Variants in RTN4RL2 observed in about 807,000 individuals in gnomAD.
RTN4RL2 encodes reticulon-4 receptor-like 2.
RTN4RL2 carries 9 observed loss-of-function variants against 27.8 expected under a neutral mutation model. That is an observed-to-expected ratio of 0.32 (90% CI 0.20 to 0.57). The LOEUF is 0.57. Ranked by LOEUF, RTN4RL2 falls within the 20% of genes least tolerant of loss-of-function variation. The probability of loss-of-function intolerance (pLI) is 0.90; values close to 1 mark genes in which losing one functional copy is unlikely to be tolerated. For missense variants in RTN4RL2, 436 were observed against 596.8 expected, an observed-to-expected ratio of 0.73 and a Z score of 2.81; for synonymous variants, 285 against 297.9, an observed-to-expected ratio of 0.96 and a Z score of 0.45.
Position 57,476,935 on chromosome 11 carries a change from C to G in RTN4RL2, c.*24C>G, listed in dbSNP as rs1943601728. 6.5e-7 allele frequency: 1 copy of G among 1,529,840 alleles called. No homozygotes were observed. Among genetic ancestry groups the G allele is most frequent in the Admixed American group, 2.0e-5 (1 of 49,466 alleles). 94.8% of individuals were successfully genotyped at this position (1,529,840 alleles called of 1,614,324 possible). A position where few individuals can be genotyped will look rare whatever the true frequency, so the allele number is the denominator to read the frequency against. ...GACTGCGGTGCTGAGATCGAAGAGG[C>G]CAGTGTCCGATCCCCGCTTCCCGTC... On this transcript the variant is annotated 3_prime_UTR_variant, in exon 3 of 3. Transcript: ENST00000335099. This position sits in a 1 kb window ranked among gnomAD's most constrained non-coding sequence, Gnocchi z 8.2.
chr11:57,462,277 G>GC (rs1350903690), intron 1 of RTN4RL2, among the ~76,000 whole-genome samples: 1 of 152,010 alleles, frequency 6.6e-6, no homozygotes, highest in African/African-American at 2.4e-5. Flanking sequence ...TCCGTCACCC[G>GC]CGTCAGTGCC....
intron 2 of RTN4RL2, among the ~76,000 whole-genome samples, chr11:57,471,577 T>A (rs907265886): frequency 1.3e-5 from 2 of 151,736 alleles, no homozygotes; most frequent in Non-Finnish European, 2.9e-5. Context: ...TGGGCTGGGG[T>A]GAGATCCGCA....
At chr11:57,461,381 G>C (rs1565113401) in intron 1 of RTN4RL2, among the ~76,000 whole-genome samples, 1 of 131,436 alleles carries the variant, frequency 7.6e-6, no homozygotes. Flanking sequence ...GAGGGCGCTA[G>C]AAAGAGGATA....
chr11:57,472,584 A>G (rs758426505), intron 2 of RTN4RL2, among the ~76,000 whole-genome samples: 2 of 152,110 alleles, frequency 1.3e-5, no homozygotes, highest in Non-Finnish European at 2.9e-5. Flanking sequence ...CCACACCTCT[A>G]ATTTGCTCTA....
chr11:57,475,870 A>C (rs1317387240), intron 2 of RTN4RL2, among the ~76,000 whole-genome samples: 2 of 152,056 alleles, frequency 1.3e-5, no homozygotes, highest in East Asian at 3.9e-4. Flanking sequence ...GCTCCACCCC[A>C]AACCTCCTGA....
chr11:57,476,629 C>A lies in RTN4RL2; in HGVS notation c.981C>A (p.Ser327=). ...GCAGCCGCGCCCGCGGCAACAGCTC[C>A]TCCAACCACCTGTACGGGGTGGCCG... ...RPGSRARGNS[S]SNHLYGVAEA... The change falls in exon 3 of 3, where the codon TCC becomes TCA. Residue 327 remains serine (S), a synonymous_variant. Coordinates refer to ENST00000335099, the MANE Select transcript of RTN4RL2 (RefSeq NM_178570.3). The surrounding 1 kb of genome is among the most constrained non-coding windows in gnomAD (Gnocchi z 8.2). 7.1e-7 allele frequency: 1 copy of A among 1,418,088 alleles called. No homozygotes were observed. The highest frequency in any genetic ancestry group is 1.6e-5 in the South Asian group (1 of 64,294). 87.8% of individuals were successfully genotyped at this position (1,418,088 alleles called of 1,614,324 possible). A position where few individuals can be genotyped will look rare whatever the true frequency, so the allele number is the denominator to read the frequency against.
chr11:57,472,180 A>T (rs1355529764), intron 2 of RTN4RL2, among the ~76,000 whole-genome samples: 4 of 150,698 alleles, frequency 2.7e-5, no homozygotes, highest in Non-Finnish European at 5.9e-5. Context: ...TCTTTCAGTC[A>T]TTACAGTGGC....
At chr11:57,474,212 G>C (rs990322867) in intron 2 of RTN4RL2, among the ~76,000 whole-genome samples, 3 of 152,114 alleles carry the variant, frequency 2.0e-5, no homozygotes, top group Non-Finnish European at 4.4e-5. Context: ...GCAGCAGGGG[G>C]CGGAGAATGG....
At chr11:57,473,952 C>G (rs1217843776) in intron 2 of RTN4RL2, among the ~76,000 whole-genome samples, 1 of 152,130 alleles carries the variant, frequency 6.6e-6, no homozygotes, top group African/African-American at 2.4e-5. Context: ...GTGGATTACC[C>G]CTGCTCACTC....
intron 2 of RTN4RL2, chr11:57,468,733 T>C: frequency 6.5e-7 from 1 of 1,536,050 alleles, no homozygotes; most frequent in Non-Finnish European, 8.7e-7. Context: ...ACACCCCTTC[T>C]AGATTCCCAT....
At position 57,476,029 on chromosome 11, in the gene RTN4RL2, A is replaced by G. The variant is rs1943592713; in HGVS notation, c.514-133A>G. 2 of 858,930 alleles carry G rather than the reference A, an allele frequency of 2.3e-6. No individual in the cohort carries two copies. The highest frequency in any genetic ancestry group is 1.8e-6 in the Non-Finnish European group (1 of 544,718). The allele number at this position is 858,930 out of a possible 1,614,324, so 53.2% of individuals were successfully genotyped here. A position where few individuals can be genotyped will look rare whatever the true frequency, so the allele number is the denominator to read the frequency against. ...AGGCAGAATCCAAATCCAGGATGCT[A>G]TGAATCAAAAGGTCAACCCTTTCTC... On this transcript the variant is annotated intron_variant, in intron 2 of 2. Coordinates refer to ENST00000335099, the MANE Select transcript of RTN4RL2 (RefSeq NM_178570.3). This position sits in a 1 kb window ranked among gnomAD's most constrained non-coding sequence, Gnocchi z 8.2.
At position 57,476,152 on chromosome 11, in the gene RTN4RL2, C is replaced by T. The variant is rs565544603; in HGVS notation, c.514-10C>T. Reference sequence around the variant, plus strand: ...TTCTCTTCTTCTGTGCCCCACTCCACCCCACCCAGGATGACTTGTTCGCGG... The same window carrying T: ...TTCTCTTCTTCTGTGCCCCACTCCATCCCACCCAGGATGACTTGTTCGCGG... On this transcript the variant is annotated splice_polypyrimidine_tract_variant and intron_variant, in intron 2 of 2. Transcript: ENST00000335099. The surrounding 1 kb of genome is among the most constrained non-coding windows in gnomAD (Gnocchi z 8.2). The T allele has an allele frequency of 4.4e-6, 7 of 1,596,760 alleles. No individual in the cohort carries two copies. The East Asian group carries it at 1.1e-4, about 26-fold the overall frequency.
intron 1 of RTN4RL2, among the ~76,000 whole-genome samples, chr11:57,465,042 C>T (rs1041663334): frequency 6.6e-6 from 1 of 151,822 alleles, no homozygotes; most frequent in East Asian, 1.9e-4. Context: ...CACGCACCGA[C>T]GCAGCACCGA....
chr11:57,470,390 G>A (rs1342672562), intron 2 of RTN4RL2, among the ~76,000 whole-genome samples: 2 of 152,088 alleles, frequency 1.3e-5, no homozygotes, highest in Non-Finnish European at 2.9e-5. Context: ...TAAGATTACA[G>A]GCATGTGTCA....
Position 57,476,075 on chromosome 11 carries a change from T to C in RTN4RL2, c.514-87T>C, listed in dbSNP as rs960377877. The stretch of plus-strand genomic sequence containing the variant: ...TTCTCTTCTGCCACGGTGCACCCCC[T>C]TCCCTCCCCCGGCCAAGGCCCCAGC... On this transcript the variant is annotated intron_variant, in intron 2 of 2. Transcript: ENST00000335099. The surrounding 1 kb of genome is among the most constrained non-coding windows in gnomAD (Gnocchi z 8.2). 1 of 1,326,052 alleles carries C rather than the reference T, an allele frequency of 7.5e-7. No homozygotes were observed. The highest frequency in any genetic ancestry group is 1.5e-5 in the African/African-American group (1 of 68,008). The allele number at this position is 1,326,052 out of a possible 1,614,324, so 82.1% of individuals were successfully genotyped here.
At chr11:57,466,749 A>G (rs1188076563) in intron 1 of RTN4RL2, among the ~76,000 whole-genome samples, 1 of 152,192 alleles carries the variant, frequency 6.6e-6, no homozygotes, top group Non-Finnish European at 1.5e-5. Flanking sequence ...CAGATCTCCA[A>G]AGGGTCCCAA....
intron 2 of RTN4RL2, among the ~76,000 whole-genome samples, chr11:57,473,140 TAGACTGATG>T (rs952195393): frequency 6.6e-6 from 1 of 152,242 alleles, no homozygotes; most frequent in Non-Finnish European, 1.5e-5. Flanking sequence ...ATACCCATCC[TAGACTGATG>T]AGCTCTGTAA....
chr11:57,464,560 C>A (rs968509161), intron 1 of RTN4RL2, among the ~76,000 whole-genome samples: 5 of 152,160 alleles, frequency 3.3e-5, no homozygotes, highest in African/African-American at 1.2e-4. Flanking sequence ...AAGGGAAGTG[C>A]CCTGGCTGGG....
At chr11:57,474,833 G>C (rs545096649) in intron 2 of RTN4RL2, among the ~76,000 whole-genome samples, 2 of 152,214 alleles carry the variant, frequency 1.3e-5, no homozygotes, top group Admixed American at 1.3e-4. Flanking sequence ...GCCCCCCGCT[G>C]TTAATTCTGA....
Sources: allele counts gnomAD v4.1 joint callset (sites outside exome capture counted in the v4.1 genomes callset), GRCh38; gene constraint gnomAD v4.1.1; non-coding constraint Gnocchi (gnomAD v3.1); transcripts MANE v1.5; gene names NCBI Gene and HGNC (gene_info 2026-07-23, HGNC 2026-07-21).